SLC9A2: variants seen among roughly 807,000 people sequenced by gnomAD.
SLC9A2 encodes sodium/hydrogen exchanger 2.
SLC9A2 carries 42 observed loss-of-function variants against 71.7 expected under a neutral mutation model. The ratio of observed to expected loss-of-function variants is 0.59; its 90% CI spans 0.46 to 0.76. The LOEUF (loss-of-function observed/expected upper bound fraction) is 0.76. Among genes scored for constraint, SLC9A2 ranks in the 30% least tolerant of loss-of-function variants. The probability of loss-of-function intolerance (pLI) is 0.00; values close to 1 mark genes in which losing one functional copy is unlikely to be tolerated. For missense variants in SLC9A2, 829 were observed against 1,017.4 expected (o/e 0.81, Z 2.52); for synonymous variants, 396 against 392.5 (o/e 1.01, Z -0.10).
intron 1 of SLC9A2, among the ~76,000 whole-genome samples, chr2:102,623,940 G>C (rs1676193630): frequency 1.3e-5 from 2 of 151,914 alleles, no homozygotes; most frequent in South Asian, 4.2e-4. Context: ...TATATTATCA[G>C]CTAATATAAT....
At chr2:102,650,912 C>G (rs766476789) in intron 1 of SLC9A2, among the ~76,000 whole-genome samples, 10 of 152,110 alleles carry the variant, frequency 6.6e-5, no homozygotes, top group Non-Finnish European at 1.2e-4. Flanking sequence ...TTGTTAAGCT[C>G]CATGGTATGT....
intron 1 of SLC9A2, among the ~76,000 whole-genome samples, chr2:102,635,017 A>C (rs965425477): frequency 2.6e-5 from 4 of 152,224 alleles, no homozygotes; most frequent in Non-Finnish European, 5.9e-5. Context: ...GTTGTTCAGC[A>C]GTTGCTTTCC....
At chr2:102,658,782 G>A (rs1007710829) in intron 2 of SLC9A2, among the ~76,000 whole-genome samples, 11 of 152,082 alleles carry the variant, frequency 7.2e-5, no homozygotes, top group Non-Finnish European at 1.6e-4. Context: ...GAGAAGGGAT[G>A]AGAAAGCCTC....
chr2:102,622,270 G>A (rs1676155013), intron 1 of SLC9A2, among the ~76,000 whole-genome samples: 2 of 152,328 alleles, frequency 1.3e-5, no homozygotes, highest in Admixed American at 1.3e-4. Context: ...AACTCTGAGT[G>A]AATTTGCACC....
At chr2:102,643,579 G>T (rs1350777909) in intron 1 of SLC9A2, among the ~76,000 whole-genome samples, 2 of 152,206 alleles carry the variant, frequency 1.3e-5, no homozygotes, top group Non-Finnish European at 2.9e-5. Context: ...AAGACCCAGA[G>T]AACTGAATGC....
rs756584328 is a variant in SLC9A2, at chr2:102,665,282, G to T, written c.936G>T (p.Leu312=). The T allele has an allele frequency of 6.2e-7, 1 of 1,614,078 alleles. No homozygotes were observed. The highest frequency in any genetic ancestry group is 1.1e-5 in the South Asian group (1 of 91,076). Residue 312 remains leucine, a synonymous_variant, in exon 3 of 12, where the codon CTG becomes CTT. Transcript: ENST00000233969. ...FTHNIRVIEP[L]FVFLYSYLSY... is the part of the protein sequence containing the mutation. The stretch of plus-strand genomic sequence containing the variant: ...ATAATATCCGAGTGATCGAGCCACT[G>T]TTTGTTTTCCTGTACAGTTATTTGT...
At chr2:102,627,151 CAATAACAACAACAAA>C (rs1311255343) in intron 1 of SLC9A2, among the ~76,000 whole-genome samples, 1 of 56,088 alleles carries the variant, frequency 1.8e-5, no homozygotes, top group Non-Finnish European at 5.0e-5. Context: ...ACAACAACAA[CAATAACAACAACAAA>C]AAGCCAGGTT....
chr2:102,620,178 T>G, intron 1 of SLC9A2, 41 bp downstream of exon 1: 1 of 1,544,360 alleles, frequency 6.5e-7, no homozygotes, highest in South Asian at 1.2e-5. Context: ...GGGGGCGATC[T>G]CGGGGGGACA....
intron 1 of SLC9A2, among the ~76,000 whole-genome samples, chr2:102,652,534 G>A (rs1308290025): frequency 2.6e-5 from 4 of 152,106 alleles, no homozygotes; most frequent in Admixed American, 6.6e-5. Flanking sequence ...GTCTTCTTGA[G>A]TCTCTGCTTC....
chr2:102,672,962 C>T (rs113372081), intron 3 of SLC9A2, among the ~76,000 whole-genome samples: 18 of 151,844 alleles, frequency 1.2e-4, no homozygotes, highest in African/African-American at 4.4e-4. Context: ...AATCGAGCCT[C>T]TATATTAAGG....
In SLC9A2 at chr2:102,708,817, TTAATA is replaced by T. The variant is rs1678039263; in HGVS notation, c.*331_*335del. ...TAACACATCCTTCTTGGTGAAGATTTTAATATATTACTTATATGCTTCAAATTTTA... is the reference window on the plus strand; with the variant it reads ...TAACACATCCTTCTTGGTGAAGATTTTATTACTTATATGCTTCAAATTTTA... On this transcript the variant is annotated 3_prime_UTR_variant, in exon 12 of 12. Coordinates refer to ENST00000233969, the MANE Select transcript of SLC9A2 (RefSeq NM_003048.6). 3.8e-6 allele frequency: 1 copy of T among 262,822 alleles called. No individual in the cohort carries two copies. Among genetic ancestry groups the T allele is most frequent in the Admixed American group, 5.0e-5 (1 of 20,140 alleles). 16.3% of individuals were successfully genotyped at this position (262,822 alleles called of 1,614,324 possible). A position where few individuals can be genotyped will look rare whatever the true frequency, so the allele number is the denominator to read the frequency against.
chr2:102,675,408 G>A (rs1677330188), intron 3 of SLC9A2, among the ~76,000 whole-genome samples: 1 of 152,166 alleles, frequency 6.6e-6, no homozygotes, highest in Non-Finnish European at 1.5e-5. Context: ...TTGTATTTCT[G>A]TTTTATGATA....
chr2:102,695,792 TATATATATTA>T (rs1677750418), intron 7 of SLC9A2, among the ~76,000 whole-genome samples: 1 of 39,878 alleles, frequency 2.5e-5, no homozygotes, highest in Non-Finnish European at 5.5e-5. Context: ...ATATATATTA[TATATATATTA>T]TATATATATA....
At chr2:102,626,860 T>G (rs1394644407) in intron 1 of SLC9A2, among the ~76,000 whole-genome samples, 1 of 152,108 alleles carries the variant, frequency 6.6e-6, no homozygotes, top group Non-Finnish European at 1.5e-5. Flanking sequence ...ATAATAGATA[T>G]TTTTATCACC....
intron 1 of SLC9A2, among the ~76,000 whole-genome samples, chr2:102,643,842 C>T (rs1318777717): frequency 1.3e-5 from 2 of 151,496 alleles, no homozygotes; most frequent in Non-Finnish European, 2.9e-5. Flanking sequence ...TATTCATAGG[C>T]GTGATCCCAC....
At chr2:102,662,337 G>A (rs1183456347) in intron 2 of SLC9A2, among the ~76,000 whole-genome samples, 1 of 152,236 alleles carries the variant, frequency 6.6e-6, no homozygotes, top group African/African-American at 2.4e-5. Flanking sequence ...GAGTACCTGG[G>A]CTTCCCTCAG....
chr2:102,704,519 T>G, intron 9 of SLC9A2, 25 bp from the exon 10 acceptor site: 3 of 1,603,724 alleles, frequency 1.9e-6, no homozygotes, highest in Non-Finnish European at 2.6e-6. Context: ...TGTTTTTTAA[T>G]GTCCTCTATA....
At chr2:102,641,772 G>A (rs1048265228) in intron 1 of SLC9A2, among the ~76,000 whole-genome samples, 1 of 151,838 alleles carries the variant, frequency 6.6e-6, no homozygotes, top group African/African-American at 2.4e-5. Flanking sequence ...ATGATGGTGA[G>A]TGCTTAGAAA....
At chr2:102,670,257 C>A (rs563587337) in intron 3 of SLC9A2, among the ~76,000 whole-genome samples, 19 of 151,578 alleles carry the variant, frequency 1.3e-4, no homozygotes, top group Non-Finnish European at 2.7e-4. Context: ...ACCTCGTGAT[C>A]CGCCCACCTC....
Sources: gnomAD v4.1 joint callset for allele counts (sites outside exome capture counted in the v4.1 genomes callset) on GRCh38, gnomAD v4.1.1 for gene constraint, MANE v1.5 for transcripts, NCBI Gene and HGNC (gene_info 2026-07-23, HGNC 2026-07-21) for gene names.